Variants in PIP5K1B observed in about 807,000 individuals in gnomAD.
PIP5K1B encodes phosphatidylinositol 4-phosphate 5-kinase type-1 beta.
In PIP5K1B, 42 loss-of-function variants were observed where a neutral mutation model predicts 67.0. The ratio of observed to expected loss-of-function variants is 0.63; its 90% CI spans 0.49 to 0.81. The LOEUF is 0.81. PIP5K1B is among the 30% of genes least tolerant of loss of function. PIP5K1B has a pLI of 0.00. For missense variants in PIP5K1B, 459 were observed against 646.3 expected (o/e 0.71, Z 3.14); for synonymous variants, 214 against 231.4 (o/e 0.92, Z 0.68).
intron 14 of PIP5K1B, among the ~76,000 whole-genome samples, chr9:68,964,565 G>A (rs1828922595): frequency 6.6e-6 from 1 of 152,222 alleles, no homozygotes; most frequent in Non-Finnish European, 1.5e-5. Flanking sequence ...GATGAGCCTG[G>A]CATGTCAGCT....
At chr9:68,706,062 T>G (rs908800825) in intron 1 of PIP5K1B, 1 of 152,230 alleles carries the variant, frequency 6.6e-6, no homozygotes, top group African/African-American at 2.4e-5. Context: ...TACTCTCCCC[T>G]TTTCCGGGGA....
rs1207198154 is a variant in PIP5K1B, at chr9:68,894,655, G to A, written c.771+17G>A. The A allele has an allele frequency of 9.9e-6, 16 of 1,609,808 alleles. No individual in the cohort carries two copies. Among genetic ancestry groups the A allele is most frequent in the Non-Finnish European group, 1.4e-5 (16 of 1,176,960 alleles). ...GACTGCCGGGTAAGGAAGTTTGATT[G>A]TTGTGATTTCCTTTGAACTCTGTGC... On this transcript the variant is annotated intron_variant, in intron 8 of 15. Transcript: ENST00000265382.
At chr9:68,994,528 G>C (rs1273197278) in intron 15 of PIP5K1B, among the ~76,000 whole-genome samples, 3 of 152,132 alleles carry the variant, frequency 2.0e-5, no homozygotes, top group East Asian at 3.8e-4. Context: ...ATCTGTTTCT[G>C]TATCTGTCTT....
intron 8 of PIP5K1B, among the ~76,000 whole-genome samples, chr9:68,899,982 A>G (rs973827667): frequency 1.3e-5 from 2 of 152,156 alleles, no homozygotes. Flanking sequence ...CATGTGCTCA[A>G]TGTGCAACTC....
intron 4 of PIP5K1B, among the ~76,000 whole-genome samples, chr9:68,840,917 A>T (rs1229933306): frequency 6.6e-6 from 1 of 152,206 alleles, no homozygotes; most frequent in African/African-American, 2.4e-5. Flanking sequence ...GTCTGCCACC[A>T]TATAATTTCA....
At chr9:68,835,676 A>G (rs754342620) in intron 4 of PIP5K1B, among the ~76,000 whole-genome samples, 1 of 152,180 alleles carries the variant, frequency 6.6e-6, no homozygotes, top group Non-Finnish European at 1.5e-5. Context: ...AACCCATTCC[A>G]ATTGCAGATT....
chr9:68,764,985 G>C (rs1291193483), intron 2 of PIP5K1B, among the ~76,000 whole-genome samples: 1 of 151,992 alleles, frequency 6.6e-6, no homozygotes, highest in Admixed American at 6.5e-5. Flanking sequence ...CTGCCTTTTA[G>C]AACATGCATT....
chr9:68,919,755 A>T, intron 11 of PIP5K1B, 26 bp downstream of exon 11: 1 of 1,342,854 alleles, frequency 7.4e-7, no homozygotes, highest in Non-Finnish European at 1.1e-6. Flanking sequence ...TCCTTATTAT[A>T]CTGTATATAT....
chr9:68,706,786 T>C (rs978187529), intron 1 of PIP5K1B, among the ~76,000 whole-genome samples: 1 of 152,220 alleles, frequency 6.6e-6, no homozygotes, highest in African/African-American at 2.4e-5. Context: ...TCTGTGTCAG[T>C]ACTTCTGAGT....
chr9:68,911,648 T>C (rs1056331519), intron 8 of PIP5K1B, among the ~76,000 whole-genome samples: 2 of 152,040 alleles, frequency 1.3e-5, no homozygotes, highest in African/African-American at 2.4e-5. Flanking sequence ...CCCAGCACTT[T>C]AGGAGGCCGA....
intron 4 of PIP5K1B, among the ~76,000 whole-genome samples, chr9:68,847,001 G>A (rs1259743129): frequency 1.3e-5 from 2 of 152,170 alleles, no homozygotes; most frequent in Non-Finnish European, 2.9e-5. Context: ...AAAACATCCA[G>A]TGATCCCTAC....
In PIP5K1B at chr9:68,736,726, T is replaced by C. The variant is rs1828755570; in HGVS notation, c.-242-5775T>C. Among the ~76,000 whole-genome samples, 3 of 152,232 alleles carry C rather than the reference T, an allele frequency of 2.0e-5. No homozygotes were observed. In the South Asian group the frequency reaches 6.2e-4, roughly 32 times the overall value. ...TCTGCTTCAGTCACCACTTCTCCTA[T>C]TCTGAACCTCCTGTCTCCCACTTCT... On this transcript the variant is annotated intron_variant, in intron 1 of 15. Coordinates refer to ENST00000265382, the MANE Select transcript of PIP5K1B (RefSeq NM_003558.4).
At chr9:69,008,377 C>A (rs371121924) in intron 15 of PIP5K1B, 70 bp from the exon 16 acceptor site, 5 of 1,412,314 alleles carry the variant, frequency 3.5e-6, no homozygotes, top group Non-Finnish European at 5.0e-6. Flanking sequence ...ACTTATGTTG[C>A]GACTCATGGG....
chr9:68,923,260 A>G (rs374927038), intron 11 of PIP5K1B, 42 bp from the exon 12 acceptor site: 2 of 1,062,142 alleles, frequency 1.9e-6, no homozygotes, highest in Non-Finnish European at 1.5e-6. Context: ...TGAGATGAAC[A>G]TTAAGAGGTG....
chr9:69,007,624 A>T (rs559349449), intron 15 of PIP5K1B, among the ~76,000 whole-genome samples: 1 of 152,192 alleles, frequency 6.6e-6, no homozygotes, highest in African/African-American at 2.4e-5. Flanking sequence ...TTGGGAGGCC[A>T]AGGTGGGCGG....
At chr9:68,746,857 T>C (rs1829336651) in intron 2 of PIP5K1B, among the ~76,000 whole-genome samples, 1 of 152,146 alleles carries the variant, frequency 6.6e-6, no homozygotes. Context: ...AGAAATTCTC[T>C]TCAAGATGCA....
At position 68,988,444 on chromosome 9, in the gene PIP5K1B, GTT is replaced by G. The variant is rs61373302; in HGVS notation, c.1503-2674_1503-2673del. Among the ~76,000 whole-genome samples, 898 of 109,832 alleles carry G rather than the reference GTT, an allele frequency of 8.2e-3. 4 individuals carry two copies. The highest frequency in any genetic ancestry group is 0.026 in the African/African-American group (799 of 30,186). 72.1% of individuals were successfully genotyped at this position (109,832 alleles called of 152,430 possible). The stretch of plus-strand genomic sequence containing the variant: ...GGAAAAACTTAGTTGTTTTTTTGGG[GTT>G]TTTTTTTTTTTTTTTTTTTTTGAGA... On this transcript the variant is annotated intron_variant, in intron 14 of 15. Coordinates refer to ENST00000265382, the MANE Select transcript of PIP5K1B (RefSeq NM_003558.4).
chr9:68,776,898 T>G (rs1310553396), intron 2 of PIP5K1B, among the ~76,000 whole-genome samples: 8 of 152,218 alleles, frequency 5.3e-5, no homozygotes, highest in Non-Finnish European at 1.5e-5. Flanking sequence ...TTGTCCTTGA[T>G]TCCTTCGAAA....
In PIP5K1B at chr9:68,745,242, T is replaced by A. The variant is rs529823412; in HGVS notation, c.-86+2585T>A. Among the ~76,000 whole-genome samples the A allele has an allele frequency of 7.2e-5, 11 of 152,312 alleles. No homozygotes were observed. In the South Asian group the frequency reaches 2.3e-3, roughly 32 times the overall value. Reference sequence around the variant, plus strand: ...AGGGAGGGGCAGGTACTCTTATCTCTTCCTAAGCTTAGTCCTTTAGGCTAG... The same window carrying A: ...AGGGAGGGGCAGGTACTCTTATCTCATCCTAAGCTTAGTCCTTTAGGCTAG... On this transcript the variant is annotated intron_variant, in intron 2 of 15. Transcript: ENST00000265382.
Sources: gnomAD v4.1 joint callset for allele counts (sites outside exome capture counted in the v4.1 genomes callset) on GRCh38, gnomAD v4.1.1 for gene constraint, MANE v1.5 for transcripts, NCBI Gene and HGNC (gene_info 2026-07-23, HGNC 2026-07-21) for gene names.